Variants in NRG3 observed in about 807,000 individuals in gnomAD.
NRG3 encodes pro-neuregulin-3, membrane-bound isoform.
Under a neutral mutation model 66.9 loss-of-function variants are expected in NRG3, and 31 were observed. The ratio of observed to expected loss-of-function variants is 0.46; its 90% CI spans 0.35 to 0.63. The LOEUF is 0.63. Ranked by LOEUF, NRG3 falls within the 20% of genes least tolerant of loss-of-function variation. The pLI is 0.00. For synonymous variants in NRG3, 393 were observed against 359.4 expected (o/e 1.09, Z -1.06); for missense variants, 910 against 878.9 (o/e 1.04, Z -0.45).
rs191347458 is a variant in NRG3 at position 82,002,620 on chromosome 10, G to A, written c.823+126457G>A. Among the ~76,000 whole-genome samples the A allele has an allele frequency of 2.1e-3, 324 of 152,240 alleles. 1 individual carries two copies. Among genetic ancestry groups the A allele is most frequent in the Middle Eastern group, 6.8e-3 (2 of 294 alleles). ...CTGAGGTCAGCAACTTGGACCTTCTGCTGTCTAGGTCCCATGCTTGGCGTA... is the reference window on the plus strand; with the variant it reads ...CTGAGGTCAGCAACTTGGACCTTCTACTGTCTAGGTCCCATGCTTGGCGTA... On this transcript the variant is annotated intron_variant, in intron 1 of 8. Coordinates refer to ENST00000372141, the MANE Select transcript of NRG3 (RefSeq NM_001010848.4).
intron 3 of NRG3, among the ~76,000 whole-genome samples, chr10:82,790,222 G>A (rs1229507022): frequency 3.9e-5 from 6 of 152,174 alleles, no homozygotes; most frequent in Admixed American, 6.5e-5. Flanking sequence ...ACTGTCCAGT[G>A]CTTTTTCTAT....
intron 2 of NRG3, among the ~76,000 whole-genome samples, chr10:82,570,882 C>T (rs1013832917): frequency 1.3e-5 from 2 of 151,620 alleles, no homozygotes; most frequent in Middle Eastern, 3.2e-3. Context: ...TTCAATGTGA[C>T]AGGTCTCAGT....
intron 1 of NRG3, among the ~76,000 whole-genome samples, chr10:82,108,485 C>G (rs1313039424): frequency 6.6e-6 from 1 of 152,164 alleles, no homozygotes; most frequent in African/African-American, 2.4e-5. Context: ...ATGCCTGTCT[C>G]TCTGCTACCC....
At chr10:82,327,053 G>C (rs1250336969) in intron 1 of NRG3, among the ~76,000 whole-genome samples, 3 of 152,174 alleles carry the variant, frequency 2.0e-5, no homozygotes, top group Non-Finnish European at 4.4e-5. Context: ...TTTATTCTAT[G>C]TGATCAGTTC....
At position 82,245,985 on chromosome 10, in the gene NRG3, T is replaced by TTTG. The variant is rs200397431; in HGVS notation, c.824-112752_824-112751insGTT. ...TTTTTTCCCAGTCTTCTGGTTTTTT[T>TTTG]TTTTTTTTTTTTTTTTAACTCAACA... On this transcript the variant is annotated intron_variant, in intron 1 of 8. Coordinates refer to ENST00000372141, the MANE Select transcript of NRG3 (RefSeq NM_001010848.4). 2.9e-3 allele frequency among the ~76,000 whole-genome samples: 347 copies of TTTG among 117,912 alleles called. 1 individual carries two copies. The highest frequency in any genetic ancestry group is 8.0e-3 in the African/African-American group (276 of 34,542). 77.4% of individuals were successfully genotyped at this position (117,912 alleles called of 152,430 possible).
At chr10:82,073,305 G>A (rs140203174) in intron 1 of NRG3, among the ~76,000 whole-genome samples, 216 of 152,152 alleles carry the variant, frequency 1.4e-3, no homozygotes, top group African/African-American at 5.0e-3. Flanking sequence ...GCGTGAGATC[G>A]GGCAGCCAGA....
intron 1 of NRG3, among the ~76,000 whole-genome samples, chr10:81,903,098 G>C (rs1461758290): frequency 2.0e-5 from 3 of 152,066 alleles, no homozygotes; most frequent in African/African-American, 7.2e-5. Flanking sequence ...CCAGGGTTAT[G>C]ATTTAAAAAT....
At chr10:82,317,212 T>G (rs1360173237) in intron 1 of NRG3, among the ~76,000 whole-genome samples, 2 of 151,906 alleles carry the variant, frequency 1.3e-5, no homozygotes. Context: ...GATTTTTTTT[T>G]TTTTTTGCTG....
At chr10:82,975,779 T>C (rs572175961) in intron 7 of NRG3, among the ~76,000 whole-genome samples, 1 of 152,334 alleles carries the variant, frequency 6.6e-6, no homozygotes, top group South Asian at 2.1e-4. Flanking sequence ...AGCTGATTGA[T>C]CAATAGGCAT....
intron 1 of NRG3, among the ~76,000 whole-genome samples, chr10:82,282,626 ATATAAG>A (rs2079185321): frequency 6.6e-6 from 1 of 152,128 alleles, no homozygotes; most frequent in Non-Finnish European, 1.5e-5. Flanking sequence ...AGTGGAGAAA[ATATAAG>A]TATGTGTTTC....
At chr10:82,198,589 G>A (rs929246265) in intron 1 of NRG3, among the ~76,000 whole-genome samples, 13 of 152,286 alleles carry the variant, frequency 8.5e-5, no homozygotes, top group African/African-American at 2.6e-4. Flanking sequence ...ATTTCTCTCT[G>A]AGGTTTAAAA....
intron 2 of NRG3, among the ~76,000 whole-genome samples, chr10:82,410,450 CAT>C (rs3068948): frequency 0.41 from 59,249 of 145,584 alleles, 14,792 homozygotes; most frequent in African/African-American, 0.7. Context: ...TCCATATATA[CAT>C]ATATATATAT....
At chr10:82,229,221 T>C (rs1020094871) in intron 1 of NRG3, 2 of 152,118 alleles carry the variant, frequency 1.3e-5, no homozygotes, top group Admixed American at 6.6e-5. Context: ...AATACCAAGG[T>C]ATTAAAATAA....
chr10:82,624,918 T>TA (rs1554977678), intron 2 of NRG3, among the ~76,000 whole-genome samples: 2 of 144,360 alleles, frequency 1.4e-5, no homozygotes, highest in Admixed American at 7.1e-5. Context: ...TATATATATT[T>TA]TATATATATA....
intron 1 of NRG3, among the ~76,000 whole-genome samples, chr10:82,168,564 C>G (rs2072294318): frequency 6.6e-6 from 1 of 152,110 alleles, no homozygotes; most frequent in Non-Finnish European, 1.5e-5. Flanking sequence ...ACCAGACTAC[C>G]TAGAATAGTG....
intron 1 of NRG3, among the ~76,000 whole-genome samples, chr10:82,093,918 G>A (rs1476825062): frequency 1.3e-5 from 2 of 152,116 alleles, no homozygotes; most frequent in African/African-American, 4.8e-5. Flanking sequence ...TGAGTGTGTG[G>A]AAATTGCTTT....
intron 1 of NRG3, among the ~76,000 whole-genome samples, chr10:81,909,305 T>A (rs1202489172): frequency 6.6e-6 from 1 of 152,210 alleles, no homozygotes; most frequent in Non-Finnish European, 1.5e-5. Context: ...CTTATTTTCA[T>A]TGCATCTGCA....
intron 2 of NRG3, among the ~76,000 whole-genome samples, chr10:82,545,714 C>G (rs571922462): frequency 6.7e-6 from 1 of 149,246 alleles, no homozygotes; most frequent in Admixed American, 6.7e-5. Flanking sequence ...TGTGCATCAT[C>G]TGTGTAATGC....
chr10:82,622,853 C>T (rs905529008), intron 2 of NRG3, among the ~76,000 whole-genome samples: 2 of 152,182 alleles, frequency 1.3e-5, no homozygotes, highest in African/African-American at 2.4e-5. Context: ...TTTCGCCCAA[C>T]TATAGGCAAG....
Sources: allele counts gnomAD v4.1 joint callset (sites outside exome capture counted in the v4.1 genomes callset), GRCh38; gene constraint gnomAD v4.1.1; transcripts MANE v1.5; gene names NCBI Gene and HGNC (gene_info 2026-07-23, HGNC 2026-07-21).